PROS1: variants seen among roughly 807,000 people sequenced by gnomAD.
The protein encoded by PROS1 is protein S.
In PROS1, 29 loss-of-function variants were observed where a neutral mutation model predicts 75.9. That is an observed-to-expected ratio of 0.38 (90% CI 0.28 to 0.52). The LOEUF is 0.52. Among genes scored for constraint, PROS1 ranks in the 20% least tolerant of loss-of-function variants. The probability of loss-of-function intolerance (pLI) is 0.83; values close to 1 mark genes in which losing one functional copy is unlikely to be tolerated. For synonymous variants in PROS1, 245 were observed against 280.6 expected (o/e 0.87, Z 1.27); for missense variants, 680 against 810.3 (o/e 0.84, Z 1.95).
At chr3:93,906,711 T>C (rs547922865) in intron 4 of PROS1, among the ~76,000 whole-genome samples, 2 of 152,334 alleles carry the variant, frequency 1.3e-5, no homozygotes, top group Non-Finnish European at 2.9e-5. Context: ...TGGGCATCTC[T>C]GTACTCTTGA....
chr3:93,882,052 G>A (rs114427650), intron 12 of PROS1, among the ~76,000 whole-genome samples: 2,695 of 152,040 alleles, frequency 0.018, 85 homozygotes, highest in African/African-American at 0.06. Flanking sequence ...ACATATGGGA[G>A]GATATTCAAG....
At chr3:93,880,937 T>A (rs191742210) in intron 12 of PROS1, among the ~76,000 whole-genome samples, 1 of 152,258 alleles carries the variant, frequency 6.6e-6, no homozygotes, top group African/African-American at 2.4e-5. Flanking sequence ...TTTATAACTT[T>A]AAAAAAATCT....
intron 1 of PROS1, among the ~76,000 whole-genome samples, chr3:93,959,976 TA>T: frequency 6.6e-6 from 1 of 152,210 alleles, no homozygotes; most frequent in East Asian, 1.9e-4. Context: ...TTTATTCAGA[TA>T]ATTAAAACAA....
At chr3:93,965,506 G>C (rs929989955) in intron 1 of PROS1, among the ~76,000 whole-genome samples, 17 of 152,114 alleles carry the variant, frequency 1.1e-4, no homozygotes, top group African/African-American at 3.9e-4. Context: ...TTCTAATAGA[G>C]CTATAACACT....
intron 1 of PROS1, among the ~76,000 whole-genome samples, chr3:93,960,211 CTGTCGCCCAGGCTGGAG>C (rs2107258881): frequency 6.7e-6 from 1 of 148,154 alleles, no homozygotes; most frequent in South Asian, 2.1e-4. Flanking sequence ...GAGTCTCGCT[CTGTCGCCCAGGCTGGAG>C]TGCAGTGGCA....
chr3:93,928,697 C>A, intron 1 of PROS1: 4 of 1,211,820 alleles, frequency 3.3e-6, no homozygotes, highest in Non-Finnish European at 4.4e-6. Context: ...GAGGAAAATA[C>A]TTACAGCATA....
At position 93,894,468 on chromosome 3, in the gene PROS1, A is replaced by T. The variant is rs541382349; in HGVS notation, c.966-1346T>A. On this transcript the variant is annotated intron_variant, in intron 9 of 14. Transcript: ENST00000394236. The stretch of plus-strand genomic sequence containing the variant: ...ATGTGAAGCAATATTATCTTGCCAA[A>T]ATCCAAATCTGTGTATGCTCAGGAT... 9.7e-4 allele frequency among the ~76,000 whole-genome samples: 148 copies of T among 152,256 alleles called. 2 individuals are homozygous for T. Among genetic ancestry groups the T allele is most frequent in the Non-Finnish European group, 9.6e-4 (65 of 68,000 alleles).
intron 7 of PROS1, among the ~76,000 whole-genome samples, chr3:93,899,224 A>G (rs1423351288): frequency 1.3e-5 from 2 of 151,472 alleles, no homozygotes; most frequent in Non-Finnish European, 2.9e-5. Context: ...CCCTGTCCCT[A>G]CTCCATATTT....
chr3:93,936,228 A>C (rs1283586790), intron 1 of PROS1, among the ~76,000 whole-genome samples: 1 of 152,034 alleles, frequency 6.6e-6, no homozygotes, highest in African/African-American at 2.4e-5. Context: ...TTAGTGAACC[A>C]AAAAATGGCA....
intron 10 of PROS1, among the ~76,000 whole-genome samples, chr3:93,889,537 T>C (rs994862127): frequency 6.6e-6 from 1 of 152,204 alleles, no homozygotes; most frequent in African/African-American, 2.4e-5. Context: ...TGTTACATTA[T>C]ATTATTTCCC....
intron 1 of PROS1, among the ~76,000 whole-genome samples, chr3:93,942,921 T>C (rs959425831): frequency 6.6e-6 from 1 of 152,142 alleles, no homozygotes; most frequent in African/African-American, 2.4e-5. Flanking sequence ...TTTACTCACA[T>C]GCCATGAGTC....
chr3:93,905,671 T>TGTTA, intron 6 of PROS1, 113 bp downstream of exon 6: 1 of 1,124,080 alleles, frequency 8.9e-7, no homozygotes, highest in Non-Finnish European at 1.3e-6. Context: ...GATAAAAATG[T>TGTTA]GTTAGTATAA....
At chr3:93,933,752 A>G (rs1709141331) in intron 1 of PROS1, among the ~76,000 whole-genome samples, 1 of 152,052 alleles carries the variant, frequency 6.6e-6, no homozygotes, top group Admixed American at 6.6e-5. Context: ...GGTGAAATGC[A>G]ATCTCTACTA....
At chr3:93,925,521 G>T (rs1185875709) in intron 2 of PROS1, among the ~76,000 whole-genome samples, 2 of 151,858 alleles carry the variant, frequency 1.3e-5, no homozygotes, top group East Asian at 1.9e-4. Flanking sequence ...CATGAGAATT[G>T]TAACACAGTA....
At chr3:93,923,969 A>G (rs1475014979) in intron 3 of PROS1, among the ~76,000 whole-genome samples, 8 of 152,210 alleles carry the variant, frequency 5.3e-5, no homozygotes, top group Admixed American at 6.5e-5. Flanking sequence ...GCACCTCAAT[A>G]TAACTGAGCA....
intron 1 of PROS1, among the ~76,000 whole-genome samples, chr3:93,971,314 C>T (rs1190203274): frequency 6.6e-6 from 1 of 151,460 alleles, no homozygotes; most frequent in Admixed American, 6.6e-5. Flanking sequence ...CGCCACTGCA[C>T]TCCTGCACTC....
At chr3:93,963,644 T>C (rs981997964) in intron 1 of PROS1, among the ~76,000 whole-genome samples, 1 of 152,140 alleles carries the variant, frequency 6.6e-6, no homozygotes, top group Non-Finnish European at 1.5e-5. Flanking sequence ...CTTCCAATCA[T>C]GGTAGAAGGC....
At chr3:93,945,349 A>G (rs1310278576) in intron 1 of PROS1, among the ~76,000 whole-genome samples, 1 of 152,162 alleles carries the variant, frequency 6.6e-6, no homozygotes, top group Non-Finnish European at 1.5e-5. Flanking sequence ...CAGAGACACA[A>G]CAACAAAAAA....
chr3:93,899,757 A>G (rs1368039643), intron 7 of PROS1, among the ~76,000 whole-genome samples: 2 of 152,168 alleles, frequency 1.3e-5, no homozygotes, highest in Non-Finnish European at 2.9e-5. Context: ...ACAAGATTAG[A>G]GGTTACCGCC....
Sources: gnomAD v4.1 joint callset for allele counts (sites outside exome capture counted in the v4.1 genomes callset) on GRCh38, gnomAD v4.1.1 for gene constraint, MANE v1.5 for transcripts, NCBI Gene and HGNC (gene_info 2026-07-23, HGNC 2026-07-21) for gene names.